BEND4: variants seen among roughly 807,000 people sequenced by gnomAD.
BEND4 encodes the protein BEN domain-containing protein 4.
BEND4 carries 27 observed loss-of-function variants against 54.7 expected under a neutral mutation model. The ratio of observed to expected loss-of-function variants is 0.49; its 90% confidence interval spans 0.36 to 0.68. The LOEUF (loss-of-function observed/expected upper bound fraction) is 0.68. Among genes scored for constraint, BEND4 ranks in the 30% least tolerant of loss-of-function variants. The pLI is 0.00. For missense variants in BEND4, 702 were observed against 697.2 expected (o/e 1.01, Z -0.08); for synonymous variants, 327 against 299.5 (o/e 1.09, Z -0.95).
chr4:42,120,376 T>C (rs1323754639), intron 4 of BEND4, 82 bp from the exon 5 acceptor site: 2 of 1,524,624 alleles, frequency 1.3e-6, no homozygotes, highest in African/African-American at 1.4e-5. Flanking sequence ...AAGGCAAACA[T>C]GCTTTTTTTA....
intron 5 of BEND4, among the ~76,000 whole-genome samples, chr4:42,118,452 T>C (rs1719930643): frequency 6.6e-6 from 1 of 152,136 alleles, no homozygotes; most frequent in African/African-American, 2.4e-5. Flanking sequence ...AAAAGCGGGA[T>C]GGAGGTCCAC....
rs572890187 is a variant in BEND4 at position 42,116,874 on chromosome 4, G to C, written c.*644C>G. On this transcript the variant is annotated 3_prime_UTR_variant, in exon 6 of 6. Coordinates refer to ENST00000502486, the MANE Select transcript of BEND4 (RefSeq NM_207406.4). ...AAATGACTACTGTTTGTAAACTCCA[G>C]AGATCAAATAGTGCCTTCTTGATCA... 1 of 152,134 alleles carries C rather than the reference G, an allele frequency of 6.6e-6. No homozygotes were observed. Among genetic ancestry groups the C allele is most frequent in the African/African-American group, 2.4e-5 (1 of 41,428 alleles). The allele number at this position is 152,134 out of a possible 1,614,324, so 9.4% of individuals were successfully genotyped here.
chr4:42,145,282 C>T (rs1721037149), intron 2 of BEND4, among the ~76,000 whole-genome samples: 1 of 152,202 alleles, frequency 6.6e-6, no homozygotes, highest in Non-Finnish European at 1.5e-5. Flanking sequence ...TACAGGAGAA[C>T]TCCATGCAGT....
chr4:42,120,027 G>A, intron 5 of BEND4, 27 bp downstream of exon 5: 1 of 1,613,752 alleles, frequency 6.2e-7, no homozygotes, highest in Non-Finnish European at 8.5e-7. Flanking sequence ...ATCACAGATG[G>A]TGACACTGAG....
chr4:42,148,858 G>A (rs897461248), intron 2 of BEND4, among the ~76,000 whole-genome samples: 1 of 152,118 alleles, frequency 6.6e-6, no homozygotes, highest in Non-Finnish European at 1.5e-5. Context: ...TTAACTCTAA[G>A]CCTCCCACAG....
chr4:42,151,642 G>C lies in BEND4; in HGVS notation c.487+15C>G. ...CGGCCGTGGCGGGAAGGAAAGTTGT[G>C]CGGAGAGTTGGTACCTGCGCTGAGC... On this transcript the variant is annotated intron_variant, in intron 2 of 5. Coordinates refer to ENST00000502486, the MANE Select transcript of BEND4 (RefSeq NM_207406.4). The C allele has an allele frequency of 6.9e-7, 1 of 1,453,824 alleles. No individual in the cohort carries two copies. The highest frequency in any genetic ancestry group is 9.0e-7 in the Non-Finnish European group (1 of 1,110,674). 90.1% of individuals were successfully genotyped at this position (1,453,824 alleles called of 1,614,324 possible).
At chr4:42,146,441 T>C (rs1223407949) in intron 2 of BEND4, among the ~76,000 whole-genome samples, 1 of 152,250 alleles carries the variant, frequency 6.6e-6, no homozygotes, top group African/African-American at 2.4e-5. Flanking sequence ...AATTATCTGA[T>C]ATATGCTCTG....
At chr4:42,134,844 T>C (rs1720641233) in intron 3 of BEND4, among the ~76,000 whole-genome samples, 4 of 152,104 alleles carry the variant, frequency 2.6e-5, no homozygotes, top group Non-Finnish European at 5.9e-5. Flanking sequence ...AGGCCAGAAG[T>C]ATGGAAGTGT....
chr4:42,142,324 T>TA (rs1720917942), intron 3 of BEND4, among the ~76,000 whole-genome samples: 1 of 150,276 alleles, frequency 6.7e-6, no homozygotes, highest in Non-Finnish European at 1.5e-5. Context: ...AATTCAAAGA[T>TA]AAAAGTAAAA....
intron 4 of BEND4, among the ~76,000 whole-genome samples, chr4:42,121,105 T>C (rs1360574875): frequency 6.6e-6 from 1 of 152,204 alleles, no homozygotes; most frequent in Non-Finnish European, 1.5e-5. Flanking sequence ...AATTAACCCA[T>C]GATCTTAGTT....
rs185865661 is a variant in BEND4, at chr4:42,114,568, A to G, written c.*2950T>C. 2 of 152,368 alleles carry G rather than the reference A, an allele frequency of 1.3e-5. No individual in the cohort carries two copies. Among genetic ancestry groups the G allele is most frequent in the African/African-American group, 4.8e-5 (2 of 41,584 alleles). The allele number at this position is 152,368 out of a possible 1,614,324, so 9.4% of individuals were successfully genotyped here. On this transcript the variant is annotated 3_prime_UTR_variant, in exon 6 of 6. Coordinates refer to ENST00000502486, the MANE Select transcript of BEND4 (RefSeq NM_207406.4). ...CTGACATGACTAAGTTTCTTGTGAG[A>G]GCAATCTGTCCATTTGCCAGATAAA...
At chr4:42,129,865 A>G (rs574494672) in intron 3 of BEND4, among the ~76,000 whole-genome samples, 1 of 152,318 alleles carries the variant, frequency 6.6e-6, no homozygotes, top group East Asian at 1.9e-4. Context: ...CATGATGAAA[A>G]TGTCAAAAGC....
At position 42,111,257 on chromosome 4, in the gene BEND4, T is replaced by C. The variant is rs997840739; in HGVS notation, c.*6261A>G. On this transcript the variant is annotated 3_prime_UTR_variant, in exon 6 of 6. Coordinates refer to ENST00000502486, the MANE Select transcript of BEND4 (RefSeq NM_207406.4). ...ACATATCCCTAGTGGGTATTAACTC[T>C]ACACAGTACAATCAAATAGAAATTA... 8 of 152,230 alleles carry C rather than the reference T, an allele frequency of 5.3e-5. No individual in the cohort carries two copies. Among genetic ancestry groups the C allele is most frequent in the African/African-American group, 1.9e-4 (8 of 41,458 alleles). The allele number at this position is 152,230 out of a possible 1,614,324, so 9.4% of individuals were successfully genotyped here.
chr4:42,117,615 A>G lies in BEND4; in HGVS notation c.1508T>C (p.Phe503Ser), dbSNP rs770567629. The G allele has an allele frequency of 5.0e-6, 8 of 1,613,290 alleles. No individual in the cohort carries two copies. Among genetic ancestry groups the G allele is most frequent in the South Asian group, 1.1e-5 (1 of 90,806 alleles). Residue 503 changes from phenylalanine to serine, a missense_variant, in exon 6 of 6, where the codon TTC (phenylalanine) becomes TCC (serine). Coordinates refer to ENST00000502486, the MANE Select transcript of BEND4 (RefSeq NM_207406.4). ...ATAAAATGAGCCACCGTTGTGCAGG[A>G]AAGTCCCCACCGCCCGCCCCTGTCG... ...HARQGRAVGT[F>S]LHNGGSFYEG... is the part of the protein sequence containing the mutation.
intron 2 of BEND4, among the ~76,000 whole-genome samples, chr4:42,146,953 G>A (rs778432614): frequency 8.5e-5 from 13 of 152,124 alleles, no homozygotes; most frequent in Non-Finnish European, 1.2e-4. Flanking sequence ...AGGGACAAGC[G>A]TGATTTGTTT....
At chr4:42,138,309 T>TA (rs1720764512) in intron 3 of BEND4, among the ~76,000 whole-genome samples, 1 of 152,212 alleles carries the variant, frequency 6.6e-6, no homozygotes, top group South Asian at 2.1e-4. Flanking sequence ...GCCATTATGT[T>TA]AAGCCAGACA....
At chr4:42,142,032 T>C (rs558552766) in intron 3 of BEND4, among the ~76,000 whole-genome samples, 1 of 151,602 alleles carries the variant, frequency 6.6e-6, no homozygotes, top group African/African-American at 2.4e-5. Flanking sequence ...GCCTCCCGAG[T>C]AGCTGGGACT....
At chr4:42,139,851 G>A (rs1034100489) in intron 3 of BEND4, among the ~76,000 whole-genome samples, 1 of 152,170 alleles carries the variant, frequency 6.6e-6, no homozygotes, top group Non-Finnish European at 1.5e-5. Flanking sequence ...CTAGAACGAT[G>A]GGGTCCTGTT....
Position 42,135,147 on chromosome 4 carries a change from T to A in BEND4, c.1054+8281A>T, listed in dbSNP as rs182481036. Among the ~76,000 whole-genome samples, 135 of 152,208 alleles carry A rather than the reference T, an allele frequency of 8.9e-4. 1 individual carries two copies. Among genetic ancestry groups the A allele is most frequent in the Non-Finnish European group, 1.3e-4 (9 of 68,018 alleles). ...TCTTGCAACAGCTCCAGTTATGAGA[T>A]GAGCCTGGTTGACACCAGTGGAGAG... On this transcript the variant is annotated intron_variant, in intron 3 of 5. Coordinates refer to ENST00000502486, the MANE Select transcript of BEND4 (RefSeq NM_207406.4).
Sources: allele counts gnomAD v4.1 joint callset (sites outside exome capture counted in the v4.1 genomes callset), GRCh38; gene constraint gnomAD v4.1.1; transcripts MANE v1.5; gene names NCBI Gene and HGNC (gene_info 2026-07-23, HGNC 2026-07-21).